The following LRMDA variants were observed in gnomAD, a reference collection of about 807,000 sequenced individuals.
The protein encoded by LRMDA is leucine-rich melanocyte differentiation-associated protein.
LRMDA carries 18 observed loss-of-function variants against 29.8 expected under a neutral mutation model. The observed-to-expected ratio is 0.60, with a 90% CI of 0.42 to 0.90. The LOEUF is 0.90. Among genes scored for constraint, LRMDA ranks in the 40% least tolerant of loss-of-function variants. The pLI, the probability that LRMDA is intolerant of heterozygous loss-of-function variation, is 0.00. For missense variants in LRMDA, 273 were observed against 273.9 expected (o/e 1.00, Z 0.02); for synonymous variants, 125 against 109.4 (o/e 1.14, Z -0.89).
At chr10:75,885,925 T>C (rs1384354476) in intron 2 of LRMDA, among the ~76,000 whole-genome samples, 2 of 152,220 alleles carry the variant, frequency 1.3e-5, no homozygotes, top group Admixed American at 6.5e-5. Flanking sequence ...AGAAGTTGTT[T>C]GGTATGTTTG....
At chr10:76,442,617 G>A (rs1842315262) in intron 6 of LRMDA, among the ~76,000 whole-genome samples, 2 of 152,104 alleles carry the variant, frequency 1.3e-5, no homozygotes, top group Admixed American at 1.3e-4. Context: ...TGCTTGAGTG[G>A]GGAGGTGAAG....
chr10:75,985,159 G>T (rs1176915992), intron 2 of LRMDA, among the ~76,000 whole-genome samples: 1 of 152,026 alleles, frequency 6.6e-6, no homozygotes, highest in East Asian at 1.9e-4. Flanking sequence ...AGAATTCTGA[G>T]AAACGATGGA....
At chr10:75,784,688 C>A (rs560885910) in intron 2 of LRMDA, among the ~76,000 whole-genome samples, 17 of 143,188 alleles carry the variant, frequency 1.2e-4, no homozygotes, top group Non-Finnish European at 2.2e-4. Flanking sequence ...GGCGACAGAG[C>A]GAGACTCCAT....
intron 2 of LRMDA, among the ~76,000 whole-genome samples, chr10:75,574,056 C>A (rs1260465358): frequency 6.6e-6 from 1 of 151,946 alleles, no homozygotes; most frequent in Non-Finnish European, 1.5e-5. Context: ...TTTTGTCCCC[C>A]TTTTTATATA....
Position 76,302,305 on chromosome 10 carries a change from C to T in LRMDA, c.517-22096C>T, listed in dbSNP as rs16933205. Among the ~76,000 whole-genome samples, 1,032 of 152,280 alleles carry T rather than the reference C, an allele frequency of 6.8e-3. 25 individuals carry two copies. Among genetic ancestry groups the T allele is most frequent in the East Asian group, 0.067 (349 of 5,180 alleles). On this transcript the variant is annotated intron_variant, in intron 5 of 6. Transcript: ENST00000611255. ...CTCCCTGTTGCTCCATCTTGAGAAC[C>T]AGCATATGGGATGAAGATCAGACTG...
intron 2 of LRMDA, among the ~76,000 whole-genome samples, chr10:75,919,583 T>C (rs1328271701): frequency 1.3e-5 from 2 of 152,058 alleles, no homozygotes; most frequent in Non-Finnish European, 2.9e-5. Flanking sequence ...GAGGGAGTGA[T>C]AGTAGGTTTT....
intron 6 of LRMDA, among the ~76,000 whole-genome samples, chr10:76,423,795 A>G (rs1235759726): frequency 6.6e-6 from 1 of 152,116 alleles, no homozygotes; most frequent in East Asian, 1.9e-4. Context: ...TAAACGGTGG[A>G]CCCTAATCAA....
intron 6 of LRMDA, among the ~76,000 whole-genome samples, chr10:76,393,978 G>A (rs1271411851): frequency 6.6e-6 from 1 of 152,062 alleles, no homozygotes; most frequent in East Asian, 1.9e-4. Context: ...GTAAATGTGT[G>A]GATTTATTTC....
chr10:75,940,663 T>A (rs1364213190), intron 2 of LRMDA, among the ~76,000 whole-genome samples: 1 of 152,148 alleles, frequency 6.6e-6, no homozygotes, highest in African/African-American at 2.4e-5. Flanking sequence ...TATGTACCTA[T>A]AATATCTTAT....
chr10:76,244,340 C>G (rs1852335006), intron 5 of LRMDA, among the ~76,000 whole-genome samples: 1 of 152,148 alleles, frequency 6.6e-6, no homozygotes. Context: ...GATGTTTCAA[C>G]TTGAAATCTT....
chr10:75,530,121 AAAT>A (rs969714443), intron 2 of LRMDA, among the ~76,000 whole-genome samples: 2 of 151,904 alleles, frequency 1.3e-5, no homozygotes, highest in African/African-American at 4.8e-5. Flanking sequence ...ATTCTTTAAA[AAAT>A]ATATAAAACT....
intron 5 of LRMDA, among the ~76,000 whole-genome samples, chr10:76,252,238 T>G (rs2132298264): frequency 6.6e-6 from 1 of 152,304 alleles, no homozygotes; most frequent in Admixed American, 6.5e-5. Context: ...GAGACTGGCC[T>G]GGAGCCTAGT....
chr10:75,620,081 G>A (rs1239639472), intron 2 of LRMDA, among the ~76,000 whole-genome samples: 1 of 152,144 alleles, frequency 6.6e-6, no homozygotes, highest in Admixed American at 6.6e-5. Flanking sequence ...AGCACACTGC[G>A]AACAGGCCCT....
intron 2 of LRMDA, among the ~76,000 whole-genome samples, chr10:76,016,426 T>C (rs10824353): frequency 0.63 from 95,069 of 151,678 alleles, 30,028 homozygotes; most frequent in South Asian, 0.67. Context: ...CCTTTAGTGT[T>C]AACATAATAA....
intron 6 of LRMDA, among the ~76,000 whole-genome samples, chr10:76,423,265 C>T (rs1333242573): frequency 6.6e-6 from 1 of 152,096 alleles, no homozygotes; most frequent in East Asian, 1.9e-4. Context: ...TGTGATGGTG[C>T]ACACCTCAGT....
chr10:75,579,615 C>CA (rs1422819417), intron 2 of LRMDA, among the ~76,000 whole-genome samples: 1 of 151,942 alleles, frequency 6.6e-6, no homozygotes, highest in Non-Finnish European at 1.5e-5. Flanking sequence ...AGAGACACAA[C>CA]AAAAAAAGAA....
At chr10:75,572,240 C>A (rs1483006410) in intron 2 of LRMDA, among the ~76,000 whole-genome samples, 1 of 152,156 alleles carries the variant, frequency 6.6e-6, no homozygotes, top group Non-Finnish European at 1.5e-5. Context: ...GCATGAGCCA[C>A]CGTGCCTGGA....
intron 2 of LRMDA, among the ~76,000 whole-genome samples, chr10:76,023,928 C>T (rs1166451004): frequency 1.3e-5 from 2 of 152,226 alleles, no homozygotes; most frequent in Non-Finnish European, 2.9e-5. Flanking sequence ...TCTTCATGTA[C>T]TGTATCTCAG....
In LRMDA at chr10:76,289,222, G is replaced by A. The variant is rs558690830; in HGVS notation, c.517-35179G>A. Among the ~76,000 whole-genome samples the A allele has an allele frequency of 7.2e-5, 11 of 152,218 alleles. No individual in the cohort carries two copies. The South Asian group carries it at 1.9e-3, about 26-fold the overall frequency. On this transcript the variant is annotated intron_variant, in intron 5 of 6. Transcript: ENST00000611255. ...GCCTTCCTCAATGAGGGGGAAATTC[G>A]GAGAAAAGAAACAAAAAGTGGACTT...
Sources: allele counts gnomAD v4.1 joint callset (sites outside exome capture counted in the v4.1 genomes callset), GRCh38; gene constraint gnomAD v4.1.1; transcripts MANE v1.5; gene names NCBI Gene and HGNC (gene_info 2026-07-23, HGNC 2026-07-21).